The following TTLL5 variants were observed in gnomAD, a reference collection of about 807,000 sequenced individuals.
The protein encoded by TTLL5 is tubulin tyrosine ligase like 5, also known as tubulin polyglutamylase TTLL5.
In TTLL5, 132 loss-of-function variants were observed where a neutral mutation model predicts 168.4. That is an observed-to-expected ratio of 0.78 (90% confidence interval 0.68 to 0.91). The LOEUF (loss-of-function observed/expected upper bound fraction) is 0.91, where lower values mean the gene tolerates loss of function less well. Ranked by LOEUF, TTLL5 falls within the 40% of genes least tolerant of loss-of-function variation. The pLI is 0.00. For missense variants in TTLL5, 1,545 were observed against 1,581.5 expected (o/e 0.98, Z 0.39); for synonymous variants, 546 against 558.6 (o/e 0.98, Z 0.32).
At chr14:75,881,921 A>T (rs774787238) in intron 29 of TTLL5, among the ~76,000 whole-genome samples, 2 of 152,172 alleles carry the variant, frequency 1.3e-5, no homozygotes, top group Non-Finnish European at 2.9e-5. Context: ...CTAATTATAT[A>T]TGTTGACATT....
At chr14:75,710,289 A>C (rs1238468136) in intron 9 of TTLL5, 1 of 152,174 alleles carries the variant, frequency 6.6e-6, no homozygotes, top group Non-Finnish European at 1.5e-5. Context: ...TGTTTATTAT[A>C]GAATTTACTA....
chr14:75,938,945 G>A (rs939389193), intron 31 of TTLL5, among the ~76,000 whole-genome samples: 2 of 152,182 alleles, frequency 1.3e-5, no homozygotes, highest in African/African-American at 2.4e-5. Flanking sequence ...ACTGTGAGTC[G>A]TGACCTAGCA....
intron 18 of TTLL5, among the ~76,000 whole-genome samples, chr14:75,758,868 C>T (rs895903692): frequency 3.9e-5 from 6 of 152,046 alleles, no homozygotes; most frequent in Non-Finnish European, 7.4e-5. Context: ...AAGATATGTA[C>T]GCTACAGCTA....
At chr14:75,941,933 A>C (rs940056257) in intron 31 of TTLL5, among the ~76,000 whole-genome samples, 2 of 144,232 alleles carry the variant, frequency 1.4e-5, no homozygotes, top group African/African-American at 2.6e-5. Context: ...CTGTAATCCC[A>C]GCACTTTGGG....
chr14:75,799,393 T>C (rs1893162910), intron 27 of TTLL5, among the ~76,000 whole-genome samples: 1 of 152,114 alleles, frequency 6.6e-6, no homozygotes, highest in East Asian at 1.9e-4. Flanking sequence ...CCTGAACTTA[T>C]ATGTTAGTTG....
intron 27 of TTLL5, among the ~76,000 whole-genome samples, chr14:75,794,357 T>G (rs996298940): frequency 6.6e-6 from 1 of 152,030 alleles, no homozygotes; most frequent in African/African-American, 2.4e-5. Flanking sequence ...TCTGCTACAC[T>G]TTTATCATTG....
chr14:75,799,641 C>T (rs1026730177), intron 27 of TTLL5, among the ~76,000 whole-genome samples: 95 of 152,124 alleles, frequency 6.2e-4, no homozygotes, highest in African/African-American at 2.2e-3. Flanking sequence ...CTTTCTTTAG[C>T]AGTTTGTGTA....
intron 31 of TTLL5, among the ~76,000 whole-genome samples, chr14:75,943,118 G>A (rs896683614): frequency 6.6e-6 from 1 of 152,128 alleles, no homozygotes; most frequent in African/African-American, 2.4e-5. Context: ...GAGCTGGGCT[G>A]TAGTCGTGGT....
chr14:75,699,039 G>GAC, intron 6 of TTLL5, 149 bp from the exon 7 acceptor site: 1 of 660,124 alleles, frequency 1.5e-6, no homozygotes, highest in Non-Finnish European at 2.6e-6. Flanking sequence ...AAAAATACAG[G>GAC]TAATTTTAGT....
At chr14:75,677,096 A>G (rs577567252) in intron 3 of TTLL5, among the ~76,000 whole-genome samples, 2 of 152,120 alleles carry the variant, frequency 1.3e-5, no homozygotes, top group African/African-American at 4.8e-5. Flanking sequence ...AATTTGCTAT[A>G]TAAAATGTAT....
intron 31 of TTLL5, among the ~76,000 whole-genome samples, chr14:75,931,128 C>T (rs2034263614): frequency 6.6e-6 from 1 of 152,152 alleles, no homozygotes; most frequent in Non-Finnish European, 1.5e-5. Flanking sequence ...TTGTTGTGCC[C>T]AGCACAATTC....
chr14:75,837,506 T>C (rs1302880782), intron 28 of TTLL5: 1 of 152,184 alleles, frequency 6.6e-6, no homozygotes, highest in Non-Finnish European at 1.5e-5. Context: ...ATTAAGTACA[T>C]TCACATTGTG....
chr14:75,890,177 A>T (rs1404940979), intron 30 of TTLL5, among the ~76,000 whole-genome samples: 2 of 152,220 alleles, frequency 1.3e-5, no homozygotes, highest in Non-Finnish European at 2.9e-5. Flanking sequence ...CGCCACACAT[A>T]GGGAAGATGC....
chr14:75,887,296 T>G, intron 30 of TTLL5: 1 of 985,658 alleles, frequency 1.0e-6, no homozygotes, highest in South Asian at 4.7e-5. Context: ...AACACCGGCT[T>G]AAAAAATGTT....
intron 29 of TTLL5, among the ~76,000 whole-genome samples, chr14:75,874,810 G>T (rs1295602073): frequency 1.3e-5 from 2 of 151,730 alleles, no homozygotes; most frequent in Non-Finnish European, 2.9e-5. Context: ...CTGAATGTGT[G>T]TGTGTATATA....
intron 30 of TTLL5, among the ~76,000 whole-genome samples, chr14:75,890,063 T>C (rs915606419): frequency 3.9e-5 from 6 of 152,142 alleles, no homozygotes; most frequent in Non-Finnish European, 8.8e-5. Flanking sequence ...TTGGCTTCAA[T>C]AGATAAACTG....
At chr14:75,935,607 T>A (rs2034412484) in intron 31 of TTLL5, among the ~76,000 whole-genome samples, 1 of 152,246 alleles carries the variant, frequency 6.6e-6, no homozygotes, top group Non-Finnish European at 1.5e-5. Context: ...TTCTATGGAT[T>A]ACCTAAAGAG....
At chr14:75,791,173 A>G (rs1054742761) in intron 26 of TTLL5, among the ~76,000 whole-genome samples, 7 of 151,308 alleles carry the variant, frequency 4.6e-5, no homozygotes, top group Admixed American at 4.6e-4. Context: ...ATACTTTGTG[A>G]CCCAACAATT....
rs568642046 is a variant in TTLL5 at position 75,789,817 on chromosome 14, G to T, written c.2987-3099G>T. ...CACATTGATCTCTGTATTCAATACG[G>T]TTCCAATCAAAATCTCAACAAGTGT... is the stretch of plus-strand genomic sequence containing the variant. On this transcript the variant is annotated intron_variant, in intron 26 of 31. Transcript: ENST00000298832. Among the ~76,000 whole-genome samples the T allele has an allele frequency of 5.3e-5, 8 of 152,204 alleles. No homozygotes were observed. The East Asian group carries it at 1.5e-3, about 29-fold the overall frequency.
Sources: gnomAD v4.1 joint callset for allele counts (sites outside exome capture counted in the v4.1 genomes callset) on GRCh38, gnomAD v4.1.1 for gene constraint, MANE v1.5 for transcripts, NCBI Gene and HGNC (gene_info 2026-07-23, HGNC 2026-07-21) for gene names.